NMT1: variants seen among roughly 807,000 people sequenced by gnomAD.
NMT1 encodes N-myristoyltransferase 1.
In NMT1, 12 loss-of-function variants were observed where a neutral mutation model predicts 63.4. That is an observed-to-expected ratio of 0.19 (90% CI 0.12 to 0.31). The LOEUF (loss-of-function observed/expected upper bound fraction) is 0.31. Among genes scored for constraint, NMT1 ranks in the 10% least tolerant of loss-of-function variants. The pLI, the probability that NMT1 is intolerant of heterozygous loss-of-function variation, is 1.00. For missense variants in NMT1, 432 were observed against 634.6 expected (o/e 0.68, Z 3.43); for synonymous variants, 228 against 234.3 (o/e 0.97, Z 0.25).
rs2054211445 is a variant in NMT1, at chr17:45,107,689, G to A, written c.*2050G>A. ...TGGAAAGGCTCCCTGTCCTAGTCTT[G>A]ATCTGTTCTGGGCCAGGTCCCAGCT... On this transcript the variant is annotated 3_prime_UTR_variant, in exon 12 of 12. Transcript: ENST00000258960. 6.6e-6 allele frequency: 1 copy of A among 152,326 alleles called. No individual in the cohort carries two copies. Among genetic ancestry groups the A allele is most frequent in the South Asian group, 2.1e-4 (1 of 4,832 alleles). The allele number at this position is 152,326 out of a possible 1,614,324, so 9.4% of individuals were successfully genotyped here.
intron 1 of NMT1, among the ~76,000 whole-genome samples, chr17:45,074,362 C>T (rs972314032): frequency 1.2e-4 from 18 of 151,956 alleles, no homozygotes; most frequent in Non-Finnish European, 2.6e-4. Flanking sequence ...CTACAGGCGC[C>T]CACCACCACG....
chr17:45,081,879 A>T, intron 2 of NMT1, 127 bp downstream of exon 2: 1 of 749,988 alleles, frequency 1.3e-6, no homozygotes, highest in Non-Finnish European at 2.2e-6. Context: ...GAAGAGTTGG[A>T]TCCCAGTGCT....
Position 45,103,799 on chromosome 17 carries a change from G to C in NMT1, c.1255G>C (p.Ala419Pro). 1 of 1,614,106 alleles carries C rather than the reference G, an allele frequency of 6.2e-7. No homozygotes were observed. Among genetic ancestry groups the C allele is most frequent in the Non-Finnish European group, 8.5e-7 (1 of 1,180,022 alleles). The change falls in exon 10 of 12, where the codon GCT (alanine) becomes CCT (proline). Residue 419 changes from alanine to proline, a missense_variant. This residue lies in a region of NMT1 where 295 missense variants were observed against 489.7 expected (regional missense o/e 0.60). Transcript: ENST00000258960. The surrounding 1 kb of genome is among the most constrained non-coding windows in gnomAD (Gnocchi z 4.8). ...NHPTHKSLKA[A>P]YSFYNVHTQT... ...TCCAACCCACAAGAGTCTCAAAGCT[G>C]CTTATTCTTTCTACAACGTTCACAC...
At chr17:45,098,625 G>A in intron 7 of NMT1, 73 bp downstream of exon 7, 1 of 1,404,332 alleles carries the variant, frequency 7.1e-7, no homozygotes, top group African/African-American at 1.4e-5. Flanking sequence ...GTGCCACTGT[G>A]AGTCACAGCT....
intron 2 of NMT1, among the ~76,000 whole-genome samples, 175 bp downstream of exon 2, chr17:45,081,927 C>G (rs528723469): frequency 1.3e-5 from 2 of 152,164 alleles, no homozygotes; most frequent in Admixed American, 6.5e-5. Flanking sequence ...TGAAACTGCT[C>G]TCAGTACCCT....
chr17:45,066,552 G>A (rs1488120910), intron 1 of NMT1, among the ~76,000 whole-genome samples: 2 of 151,380 alleles, frequency 1.3e-5, no homozygotes, highest in African/African-American at 4.9e-5. Context: ...TCAGGAGTTC[G>A]AGACCAGCCT....
chr17:45,094,611 T>G (rs1356430759), intron 4 of NMT1, among the ~76,000 whole-genome samples: 2 of 147,800 alleles, frequency 1.4e-5, no homozygotes, highest in Non-Finnish European at 3.0e-5. Flanking sequence ...GCCTCCTGGG[T>G]TCAAGCGATT....
Position 45,104,582 on chromosome 17 carries a change from A to G in NMT1, c.1333-277A>G. On this transcript the variant is annotated intron_variant, in intron 10 of 11. Coordinates refer to ENST00000258960, the MANE Select transcript of NMT1 (RefSeq NM_021079.5). This position sits in a 1 kb window ranked among gnomAD's most constrained non-coding sequence, Gnocchi z 4.2. ...TGTGGAAATTACTAGAGTTTCAGGG[A>G]GGCATAACCAGGAATAGCAAGAGCC... The G allele has an allele frequency of 8.2e-7, 1 of 1,223,524 alleles. No individual in the cohort carries two copies. The highest frequency in any genetic ancestry group is 1.0e-6 in the Non-Finnish European group (1 of 975,282). 75.8% of individuals were successfully genotyped at this position (1,223,524 alleles called of 1,614,324 possible).
rs141838092 is a variant in NMT1, at chr17:45,087,763, C to G, written c.385+1111C>G. ...CCTCCAGAAACACAATGAGACTTCA[C>G]TAGTATGTTCGGTGCAGAGGAGGAG... On this transcript the variant is annotated intron_variant, in intron 3 of 11. Coordinates refer to ENST00000258960, the MANE Select transcript of NMT1 (RefSeq NM_021079.5). Among the ~76,000 whole-genome samples, 244 of 152,268 alleles carry G rather than the reference C, an allele frequency of 1.6e-3. 2 individuals are homozygous for G. Among genetic ancestry groups the G allele is most frequent in the African/African-American group, 5.6e-3 (234 of 41,566 alleles).
rs529944334 is a variant in NMT1 at position 45,064,602 on chromosome 17, C to T, written c.131+3142C>T. Among the ~76,000 whole-genome samples the T allele has an allele frequency of 1.8e-4, 27 of 152,250 alleles. 2 individuals are homozygous for T. In the South Asian group the frequency reaches 4.3e-3, roughly 25 times the overall value. ...CTTTGGGAGGCTGAGGTGGGCAGAT[C>T]GCTTGTGGTCAGGAGTTTGAGACCA... On this transcript the variant is annotated intron_variant, in intron 1 of 11. Transcript: ENST00000258960.
chr17:45,071,687 T>G (rs1268480658), intron 1 of NMT1: 1 of 152,178 alleles, frequency 6.6e-6, no homozygotes. Flanking sequence ...ATTGAAACCA[T>G]TAGAAGTAGT....
chr17:45,106,949 G>A lies in NMT1; in HGVS notation c.*1310G>A, dbSNP rs1034654056. On this transcript the variant is annotated 3_prime_UTR_variant, in exon 12 of 12. Transcript: ENST00000258960. ...CATGGCTGTCGATGTAGGCATTCTG[G>A]AGTGGTGTTCAGCCAAGTGACCGGG... The A allele has an allele frequency of 2.0e-5, 3 of 152,302 alleles. No homozygotes were observed. Among genetic ancestry groups the A allele is most frequent in the African/African-American group, 7.2e-5 (3 of 41,448 alleles). 9.4% of individuals were successfully genotyped at this position (152,302 alleles called of 1,614,324 possible). A position where few individuals can be genotyped will look rare whatever the true frequency, so the allele number is the denominator to read the frequency against.
Position 45,105,846 on chromosome 17 carries a change from T to A in NMT1, c.*207T>A. The A allele has an allele frequency of 1.8e-6, 1 of 554,750 alleles. No individual in the cohort carries two copies. The highest frequency in any genetic ancestry group is 3.3e-5 in the East Asian group (1 of 30,608). 34.4% of individuals were successfully genotyped at this position (554,750 alleles called of 1,614,324 possible). A position where few individuals can be genotyped will look rare whatever the true frequency, so the allele number is the denominator to read the frequency against. On this transcript the variant is annotated 3_prime_UTR_variant, in exon 12 of 12. Coordinates refer to ENST00000258960, the MANE Select transcript of NMT1 (RefSeq NM_021079.5). This position sits in a 1 kb window ranked among gnomAD's most constrained non-coding sequence, Gnocchi z 4.2. ...ACGTCACCTCCGGTCGTGTCTCTGG[T>A]CTCCGTGTTTTCCAGTTAATTACAT... is the stretch of plus-strand genomic sequence containing the variant.
chr17:45,095,064 G>A (rs2054115499), intron 4 of NMT1, among the ~76,000 whole-genome samples: 1 of 151,372 alleles, frequency 6.6e-6, no homozygotes, highest in Non-Finnish European at 1.5e-5. Context: ...ACCCATCTCG[G>A]CCTCCCAAAG....
intron 1 of NMT1, among the ~76,000 whole-genome samples, chr17:45,067,842 T>C (rs946179480): frequency 2.0e-5 from 3 of 152,146 alleles, no homozygotes; most frequent in Non-Finnish European, 4.4e-5. Flanking sequence ...GCAGAAGAAA[T>C]GGAAAGTAAA....
chr17:45,099,377 TGAG>T, intron 7 of NMT1, 25 bp from the exon 8 acceptor site: 1 of 1,513,096 alleles, frequency 6.6e-7, no homozygotes, highest in Non-Finnish European at 9.2e-7. Context: ...GCCAGAACCC[TGAG>T]GACAGGACAT....
At chr17:45,071,405 C>T (rs1490898913) in intron 1 of NMT1, 1 of 152,166 alleles carries the variant, frequency 6.6e-6, no homozygotes, top group Non-Finnish European at 1.5e-5. Context: ...TCTCTAACTC[C>T]TGTCTTTTTG....
At chr17:45,078,195 G>A (rs2143473485) in intron 1 of NMT1, among the ~76,000 whole-genome samples, 1 of 152,286 alleles carries the variant, frequency 6.6e-6, no homozygotes, top group South Asian at 2.1e-4. Context: ...AATTGGGCTT[G>A]ATACCTTCCA....
At chr17:45,081,804 A>G in intron 2 of NMT1, 52 bp downstream of exon 2, 4 of 1,353,222 alleles carry the variant, frequency 3.0e-6, no homozygotes, top group Non-Finnish European at 4.1e-6. Context: ...CACATGAGAG[A>G]GTTTTGAGGT....
Sources: allele counts gnomAD v4.1 joint callset (sites outside exome capture counted in the v4.1 genomes callset), GRCh38; gene constraint gnomAD v4.1.1; regional missense constraint gnomAD v4.1.1; non-coding constraint Gnocchi (gnomAD v3.1); transcripts MANE v1.5; gene names NCBI Gene and HGNC (gene_info 2026-07-23, HGNC 2026-07-21).